Variants in CCDC178 observed in about 807,000 individuals in gnomAD.
The protein encoded by CCDC178 is coiled-coil domain-containing protein 178.
A neutral mutation model predicts 117.4 loss-of-function variants in CCDC178; 126 were observed. The ratio of observed to expected loss-of-function variants is 1.07; its 90% confidence interval spans 0.93 to 1.24. CCDC178 has a LOEUF of 1.24. Among genes scored for constraint, CCDC178 ranks in the 50% most tolerant of loss-of-function variants. The pLI is 0.00. For synonymous variants in CCDC178, 283 were observed against 313.4 expected (o/e 0.90, Z 1.02); for missense variants, 1,030 against 986.9 (o/e 1.04, Z -0.59).
chr18:33,318,536 A>G (rs1278097087), intron 11 of CCDC178, among the ~76,000 whole-genome samples: 1 of 152,246 alleles, frequency 6.6e-6, no homozygotes, highest in Non-Finnish European at 1.5e-5. Context: ...AGAAGTATGG[A>G]GTACACAATA....
At chr18:33,418,596 A>G (rs1440158926) in intron 2 of CCDC178, among the ~76,000 whole-genome samples, 1 of 152,158 alleles carries the variant, frequency 6.6e-6, no homozygotes, top group Admixed American at 6.5e-5. Flanking sequence ...AAAAACCGAT[A>G]GTCTCTGCCC....
chr18:33,217,220 CTG>C (rs2059176980), intron 18 of CCDC178, among the ~76,000 whole-genome samples: 1 of 152,004 alleles, frequency 6.6e-6, no homozygotes, highest in African/African-American at 2.4e-5. Flanking sequence ...TTCTTATGCT[CTG>C]TAAGTGGTAT....
intron 20 of CCDC178, among the ~76,000 whole-genome samples, chr18:33,104,175 A>G (rs1234359822): frequency 3.3e-5 from 5 of 151,752 alleles, no homozygotes; most frequent in Non-Finnish European, 7.4e-5. Flanking sequence ...TGATTAAGTA[A>G]ATGGATATCT....
At chr18:32,957,126 G>C (rs2054612055) in intron 22 of CCDC178, among the ~76,000 whole-genome samples, 1 of 152,200 alleles carries the variant, frequency 6.6e-6, no homozygotes, top group Non-Finnish European at 1.5e-5. Flanking sequence ...AAAGATGCCA[G>C]CTGGCAACTC....
At chr18:33,029,035 A>AC (rs2056283667) in intron 21 of CCDC178, among the ~76,000 whole-genome samples, 1 of 151,890 alleles carries the variant, frequency 6.6e-6, no homozygotes, top group African/African-American at 2.4e-5. Flanking sequence ...ATCCCATAGA[A>AC]CGAGTTGGGA....
intron 21 of CCDC178, among the ~76,000 whole-genome samples, chr18:33,079,538 G>T (rs543251532): frequency 6.6e-6 from 1 of 152,244 alleles, no homozygotes; most frequent in Non-Finnish European, 1.5e-5. Flanking sequence ...ATCTGACCAA[G>T]TTTAATATCC....
rs189890755 is a variant in CCDC178, at chr18:32,999,867, C to T, written c.2389-25186G>A. Among the ~76,000 whole-genome samples the T allele has an allele frequency of 3.6e-4, 54 of 152,052 alleles. 1 individual carries two copies. Among genetic ancestry groups the T allele is most frequent in the South Asian group, 1.3e-3 (6 of 4,786 alleles). ...AAGTCCATTCAAATGCTTGGAAAAC[C>T]TTCCCAAGTAGAACAGGTACAAACA... On this transcript the variant is annotated intron_variant, in intron 21 of 22. Coordinates refer to ENST00000383096, the MANE Select transcript of CCDC178 (RefSeq NM_001105528.4).
intron 9 of CCDC178, among the ~76,000 whole-genome samples, chr18:33,334,692 T>G (rs1292610995): frequency 6.6e-6 from 1 of 152,100 alleles, no homozygotes; most frequent in African/African-American, 2.4e-5. Flanking sequence ...GATTTATAAT[T>G]TATGATAGCT....
chr18:33,345,388 G>A (rs531096808), intron 9 of CCDC178, among the ~76,000 whole-genome samples: 21 of 152,242 alleles, frequency 1.4e-4, no homozygotes, highest in African/African-American at 4.8e-4. Context: ...CACTCTGTGA[G>A]CTAAAAGAAT....
chr18:33,005,233 A>T (rs765809426), intron 21 of CCDC178, among the ~76,000 whole-genome samples: 2 of 152,142 alleles, frequency 1.3e-5, no homozygotes, highest in Non-Finnish European at 2.9e-5. Flanking sequence ...TCAACAGATG[A>T]TTGGATAAAG....
At chr18:33,375,117 C>T (rs74412083) in intron 5 of CCDC178, among the ~76,000 whole-genome samples, 12,660 of 152,092 alleles carry the variant, frequency 0.083, 692 homozygotes, top group Non-Finnish European at 0.13. Flanking sequence ...AATTGTACCT[C>T]CATATATCTG....
chr18:33,095,299 G>A (rs1479524881), intron 20 of CCDC178, among the ~76,000 whole-genome samples: 1 of 151,956 alleles, frequency 6.6e-6, no homozygotes, highest in Non-Finnish European at 1.5e-5. Context: ...TTGCTGAAGA[G>A]AAGAGATGTA....
At chr18:33,316,397 C>A (rs2062417616) in intron 11 of CCDC178, among the ~76,000 whole-genome samples, 1 of 152,182 alleles carries the variant, frequency 6.6e-6, no homozygotes, top group African/African-American at 2.4e-5. Flanking sequence ...TCTCCCCGGG[C>A]CTTAGCTGCC....
intron 20 of CCDC178, among the ~76,000 whole-genome samples, chr18:33,102,179 G>A: frequency 6.6e-6 from 1 of 151,634 alleles, no homozygotes; most frequent in East Asian, 1.9e-4. Context: ...TCGATAATGA[G>A]GAAATAGGGG....
At chr18:33,169,609 C>A (rs916022726) in intron 20 of CCDC178, among the ~76,000 whole-genome samples, 3 of 152,044 alleles carry the variant, frequency 2.0e-5, no homozygotes, top group African/African-American at 7.2e-5. Flanking sequence ...ATATCATGAG[C>A]TTTTATATTC....
At chr18:33,166,732 C>T (rs781063459) in intron 20 of CCDC178, among the ~76,000 whole-genome samples, 19 of 152,182 alleles carry the variant, frequency 1.2e-4, no homozygotes, top group Non-Finnish European at 2.4e-4. Flanking sequence ...TTCCACACTA[C>T]GCTGGCCTGT....
intron 2 of CCDC178, among the ~76,000 whole-genome samples, chr18:33,437,292 G>C (rs972441678): frequency 6.6e-6 from 1 of 152,146 alleles, no homozygotes; most frequent in Non-Finnish European, 1.5e-5. Context: ...TAATTGTCTA[G>C]TTTGTCCATT....
chr18:33,373,236 A>G (rs531917101), intron 5 of CCDC178, among the ~76,000 whole-genome samples: 5 of 152,304 alleles, frequency 3.3e-5, no homozygotes, highest in African/African-American at 1.2e-4. Flanking sequence ...TATCTAGAAT[A>G]ATACACATGG....
At chr18:33,388,537 T>TTTTTTTTTTTTTTTG (rs2063524675) in intron 5 of CCDC178, among the ~76,000 whole-genome samples, 1 of 115,806 alleles carries the variant, frequency 8.6e-6, no homozygotes, top group Admixed American at 9.2e-5. Flanking sequence ...TTTTTTTTTT[T>TTTTTTTTTTTTTTTG]GAGACGGAGT....
Sources: allele counts gnomAD v4.1 joint callset (sites outside exome capture counted in the v4.1 genomes callset), GRCh38; gene constraint gnomAD v4.1.1; transcripts MANE v1.5; gene names NCBI Gene and HGNC (gene_info 2026-07-23, HGNC 2026-07-21).